The following TMEM140 variants were observed in gnomAD, a reference collection of about 807,000 sequenced individuals.
The protein encoded by TMEM140 is transmembrane protein 140.
For synonymous variants in TMEM140, 107 were observed against 106.8 expected (o/e 1.00, Z -0.01); for missense variants, 236 against 228.5 (o/e 1.03, Z -0.21).
intron 1 of TMEM140, among the ~76,000 whole-genome samples, chr7:135,159,724 A>G (rs895923480): frequency 6.6e-6 from 1 of 152,262 alleles, no homozygotes; most frequent in African/African-American, 2.4e-5. Context: ...CTGAAACTCA[A>G]AATTATTTTT....
At chr7:135,149,703 T>C (rs1742950423) in intron 1 of TMEM140, among the ~76,000 whole-genome samples, 1 of 152,226 alleles carries the variant, frequency 6.6e-6, no homozygotes, top group African/African-American at 2.4e-5. Context: ...TTACCTACAG[T>C]GTTGATAGGG....
At chr7:135,158,768 A>G (rs1434249795) in intron 1 of TMEM140, among the ~76,000 whole-genome samples, 2 of 152,220 alleles carry the variant, frequency 1.3e-5, no homozygotes, top group Non-Finnish European at 2.9e-5. Flanking sequence ...GCAGGGCAGC[A>G]GACCCTCCCA....
rs754366575 is a variant in TMEM140, at chr7:135,164,985, C to A, written c.544C>A (p.Leu182Ile). ...PLRAERAESKLESC is the reference protein window; with the variant it reads ...PLRAERAESKIESC ...GAGGGCTGAGAGGGCTGAGAGCAAG[C>A]TTGAGAGCTGCTAAAGGCTTACGTG... The change falls in exon 2 of 2, where the codon CTT (leucine) becomes ATT (isoleucine). Residue 182 changes from leucine to isoleucine, a missense_variant. By Grantham distance (5) the Leu-to-Ile change is conservative (BLOSUM62 2). Transcript: ENST00000275767. The A allele has an allele frequency of 3.4e-5, 54 of 1,596,030 alleles. No individual in the cohort carries two copies. Among genetic ancestry groups the A allele is most frequent in the South Asian group, 2.5e-4 (22 of 89,516 alleles).
chr7:135,148,883 A>T (rs1178522323), intron 1 of TMEM140, among the ~76,000 whole-genome samples: 1 of 152,180 alleles, frequency 6.6e-6, no homozygotes, highest in Non-Finnish European at 1.5e-5. Flanking sequence ...GCATATTTTA[A>T]GAGATTTTTT....
intron 1 of TMEM140, among the ~76,000 whole-genome samples, chr7:135,149,456 C>T (rs752922634): frequency 3.3e-5 from 5 of 152,194 alleles, no homozygotes; most frequent in Admixed American, 6.5e-5. Context: ...AGCTGCTTCC[C>T]ATTTTGTGCC....
chr7:135,152,566 C>G (rs1829690397), intron 1 of TMEM140, among the ~76,000 whole-genome samples: 1 of 152,232 alleles, frequency 6.6e-6, no homozygotes, highest in Non-Finnish European at 1.5e-5. Context: ...CTGTTAAGTG[C>G]TTAGCACAGG....
At chr7:135,160,503 A>C (rs1829902663) in intron 1 of TMEM140, among the ~76,000 whole-genome samples, 1 of 152,208 alleles carries the variant, frequency 6.6e-6, no homozygotes, top group South Asian at 2.1e-4. Context: ...TCACTGCAAA[A>C]TGTTTAGGGA....
intron 1 of TMEM140, among the ~76,000 whole-genome samples, chr7:135,150,946 C>T (rs556628287): frequency 1.2e-4 from 18 of 152,098 alleles, no homozygotes; most frequent in Non-Finnish European, 2.5e-4. Flanking sequence ...AATCTTTGTT[C>T]CCACTTGGAT....
rs201950860 is a variant in TMEM140, at chr7:135,165,428, G to A, written c.*429G>A. ...CAACAAACGAGGACATTAAAAGAGC[G>A]AGCACCTCAGTGTCTCTGGGGACAT... is the stretch of plus-strand genomic sequence containing the variant. On this transcript the variant is annotated 3_prime_UTR_variant, in exon 2 of 2. Transcript: ENST00000275767. 8.4e-5 allele frequency: 15 copies of A among 178,934 alleles called. No homozygotes were observed. In the East Asian group the frequency reaches 1.2e-3, roughly 15 times the overall value. The allele number at this position is 178,934 out of a possible 1,614,324, so 11.1% of individuals were successfully genotyped here. A position where few individuals can be genotyped will look rare whatever the true frequency, so the allele number is the denominator to read the frequency against.
chr7:135,159,217 G>A (rs1829868164), intron 1 of TMEM140, among the ~76,000 whole-genome samples: 1 of 152,162 alleles, frequency 6.6e-6, no homozygotes, highest in African/African-American at 2.4e-5. Flanking sequence ...TGTTCAAAAT[G>A]GATCCACTTA....
chr7:135,163,905 C>T (rs1240499297), intron 1 of TMEM140, among the ~76,000 whole-genome samples: 1 of 152,188 alleles, frequency 6.6e-6, no homozygotes, highest in African/African-American at 2.4e-5. Context: ...GCCCGAAGCA[C>T]ATAAGTTGAG....
chr7:135,154,501 C>A (rs1829739374), intron 1 of TMEM140, among the ~76,000 whole-genome samples: 1 of 151,970 alleles, frequency 6.6e-6, no homozygotes, highest in African/African-American at 2.4e-5. Flanking sequence ...ATGCTATAAA[C>A]TTCCCTCTTA....
chr7:135,160,746 AAC>A (rs1554389261), intron 1 of TMEM140, among the ~76,000 whole-genome samples: 1 of 151,548 alleles, frequency 6.6e-6, no homozygotes, highest in Non-Finnish European at 1.5e-5. Context: ...AAAAAAAAAA[AAC>A]AAAAAAAAGA....
intron 1 of TMEM140, among the ~76,000 whole-genome samples, chr7:135,162,280 C>T (rs975386044): frequency 3.9e-5 from 6 of 152,142 alleles, no homozygotes; most frequent in African/African-American, 9.7e-5. Flanking sequence ...CCCAGGGCCA[C>T]GACTCATTTT....
At chr7:135,152,009 T>A (rs1220795949) in intron 1 of TMEM140, among the ~76,000 whole-genome samples, 1 of 152,254 alleles carries the variant, frequency 6.6e-6, no homozygotes, top group Non-Finnish European at 1.5e-5. Context: ...AGCCTGGGCT[T>A]AACTTCTCTG....
In TMEM140 at chr7:135,164,673, G is replaced by A. The variant is rs767580679; in HGVS notation, c.232G>A (p.Val78Ile). 1 of 1,613,782 alleles carries A rather than the reference G, an allele frequency of 6.2e-7. No homozygotes were observed. Among genetic ancestry groups the A allele is most frequent in the Non-Finnish European group, 8.5e-7 (1 of 1,179,636 alleles). The part of the protein sequence containing the change: ...PELEALGVPR[V>I]GLGLARLGVY... ...GCTGGAAGCCCTGGGGGTGCCTCGG[G>A]TTGGCCTGGGCCTGGCCAGGCTTGG... The change falls in exon 2 of 2, where the codon GTT becomes ATT. Residue 78 changes from valine to isoleucine, a missense_variant. Val to Ile is a conservative substitution (Grantham distance 29). Coordinates refer to ENST00000275767, the MANE Select transcript of TMEM140 (RefSeq NM_018295.5).
chr7:135,157,700 T>C (rs1367750879), intron 1 of TMEM140, among the ~76,000 whole-genome samples: 1 of 152,222 alleles, frequency 6.6e-6, no homozygotes, highest in Non-Finnish European at 1.5e-5. Flanking sequence ...TTGGTGTTGC[T>C]GGAAGCTGTG....
At chr7:135,148,296 C>CA (rs1292447621) in intron 1 of TMEM140, 26 bp downstream of exon 1, 1 of 354,508 alleles carries the variant, frequency 2.8e-6, no homozygotes, top group Non-Finnish European at 5.5e-6. Flanking sequence ...GCAAGCATCA[C>CA]AGCTTACCCA....
rs733585 is a variant in TMEM140, at chr7:135,157,646, A to G, written c.-24-6772A>G. Among the ~76,000 whole-genome samples, 141 of 152,340 alleles carry G rather than the reference A, an allele frequency of 9.3e-4. 1 individual carries two copies. The highest frequency in any genetic ancestry group is 3.1e-3 in the African/African-American group (128 of 41,574). ...CAGGTGGTGTCATGTGAGTGATGGC[A>G]GTAGCACTGTTGAAGCAGCCAACTG... On this transcript the variant is annotated intron_variant, in intron 1 of 1. Coordinates refer to ENST00000275767, the MANE Select transcript of TMEM140 (RefSeq NM_018295.5).
Sources: allele counts gnomAD v4.1 joint callset (sites outside exome capture counted in the v4.1 genomes callset), GRCh38; gene constraint gnomAD v4.1.1; transcripts MANE v1.5; gene names NCBI Gene and HGNC (gene_info 2026-07-23, HGNC 2026-07-21).